NRXN3: variants seen among roughly 807,000 people sequenced by gnomAD.
The protein encoded by NRXN3 is neurexin 3.
Under a neutral mutation model 137.6 loss-of-function variants are expected in NRXN3, and 32 were observed. That is an observed-to-expected ratio of 0.23 (90% CI 0.18 to 0.31). The LOEUF is 0.31. Among genes scored for constraint, NRXN3 ranks in the 10% least tolerant of loss-of-function variants. The pLI, the probability that NRXN3 is intolerant of heterozygous loss-of-function variation, is 1.00. For missense variants in NRXN3, 1,574 were observed against 2,062.5 expected (o/e 0.76, Z 4.59); for synonymous variants, 798 against 784.5 (o/e 1.02, Z -0.29).
At chr14:78,390,380 AT>A (rs796482281) in intron 4 of NRXN3, among the ~76,000 whole-genome samples, 49 of 152,332 alleles carry the variant, frequency 3.2e-4, no homozygotes, top group African/African-American at 1.2e-3. Flanking sequence ...ACAAAGCCTA[AT>A]CTGCTTTGCT....
chr14:79,092,675 G>T (rs916311480), intron 15 of NRXN3, among the ~76,000 whole-genome samples: 1 of 152,162 alleles, frequency 6.6e-6, no homozygotes, highest in Non-Finnish European at 1.5e-5. Context: ...CTAGATTGTA[G>T]TGAATAAGTG....
At chr14:79,592,281 A>AAAG (rs1278314654) in intron 16 of NRXN3, among the ~76,000 whole-genome samples, 1 of 152,168 alleles carries the variant, frequency 6.6e-6, no homozygotes, top group East Asian at 1.9e-4. Context: ...AAGATTTGAA[A>AAAG]AAGTCAGAAT....
At chr14:78,977,432 C>A (rs531870259) in intron 14 of NRXN3, among the ~76,000 whole-genome samples, 3 of 152,198 alleles carry the variant, frequency 2.0e-5, no homozygotes, top group South Asian at 4.1e-4. Context: ...ATTCCACTGC[C>A]CCAGCAGACC....
chr14:78,367,995 A>G (rs1310216142), intron 4 of NRXN3, among the ~76,000 whole-genome samples: 1 of 152,256 alleles, frequency 6.6e-6, no homozygotes, highest in African/African-American at 2.4e-5. Context: ...TATTGCTTAC[A>G]AACAATTCAT....
At chr14:78,899,489 G>A (rs1347691356) in intron 10 of NRXN3, among the ~76,000 whole-genome samples, 1 of 151,938 alleles carries the variant, frequency 6.6e-6, no homozygotes. Context: ...TGTTTTGTGT[G>A]TATGGTTGCC....
intron 4 of NRXN3, among the ~76,000 whole-genome samples, chr14:78,475,212 G>A (rs115890442): frequency 0.029 from 3,117 of 107,764 alleles, 93 homozygotes; most frequent in African/African-American, 0.091. Flanking sequence ...CATTTTATTA[G>A]CATTATCTTT....
At chr14:78,619,307 GT>G (rs2097375746) in intron 4 of NRXN3, among the ~76,000 whole-genome samples, 1 of 152,122 alleles carries the variant, frequency 6.6e-6, no homozygotes, top group African/African-American at 2.4e-5. Context: ...TAGACTGAAT[GT>G]TTTTCCCCCT....
intron 16 of NRXN3, among the ~76,000 whole-genome samples, chr14:79,579,155 T>C (rs918128538): frequency 1.4e-4 from 21 of 151,702 alleles, no homozygotes; most frequent in Non-Finnish European, 2.6e-4. Flanking sequence ...CAGACTTCTT[T>C]TTTTCTACTT....
intron 4 of NRXN3, among the ~76,000 whole-genome samples, chr14:78,481,017 C>A (rs2095464473): frequency 6.6e-6 from 1 of 152,180 alleles, no homozygotes; most frequent in African/African-American, 2.4e-5. Context: ...GGGGTGGTCA[C>A]TGTAAACCTT....
At chr14:78,726,624 C>A (rs2098485074) in intron 8 of NRXN3, among the ~76,000 whole-genome samples, 1 of 149,600 alleles carries the variant, frequency 6.7e-6, no homozygotes, top group Non-Finnish European at 1.5e-5. Context: ...CTCAAGCCAT[C>A]CTGCCAACCT....
At chr14:78,719,569 T>C (rs1036242337) in intron 8 of NRXN3, among the ~76,000 whole-genome samples, 7 of 152,142 alleles carry the variant, frequency 4.6e-5, no homozygotes, top group African/African-American at 1.7e-4. Context: ...AGGCCAGGAG[T>C]GGTGGCTCAT....
chr14:78,388,566 C>T lies in NRXN3; in HGVS notation c.757+90706C>T, dbSNP rs1370873201. On this transcript the variant is annotated intron_variant, in intron 4 of 20. Transcript: ENST00000335750. ...CTGTGCAAATAAAGTTTTATTGGAA[C>T]ACAGTCATGTTCATTTGTTTCCATA... Among the ~76,000 whole-genome samples, 4 of 151,940 alleles carry T rather than the reference C, an allele frequency of 2.6e-5. No individual in the cohort carries two copies. The East Asian group carries it at 7.7e-4, about 29-fold the overall frequency.
At chr14:78,285,579 A>G (rs958599644) in intron 3 of NRXN3, among the ~76,000 whole-genome samples, 2 of 152,188 alleles carry the variant, frequency 1.3e-5, no homozygotes, top group East Asian at 3.9e-4. Flanking sequence ...TAGAGTGTAC[A>G]CTTCACAAAG....
chr14:78,323,498 C>T (rs1399622612), intron 4 of NRXN3, among the ~76,000 whole-genome samples: 1 of 152,020 alleles, frequency 6.6e-6, no homozygotes, highest in Non-Finnish European at 1.5e-5. Context: ...TAAATGTGTG[C>T]AGTTTGTAAA....
intron 6 of NRXN3, among the ~76,000 whole-genome samples, chr14:78,664,274 A>C (rs2097863485): frequency 6.6e-6 from 1 of 152,114 alleles, no homozygotes; most frequent in Non-Finnish European, 1.5e-5. Context: ...CTTAAGACTT[A>C]CCTTCAAAGA....
At chr14:79,042,138 G>C (rs1412419545) in intron 15 of NRXN3, among the ~76,000 whole-genome samples, 1 of 152,144 alleles carries the variant, frequency 6.6e-6, no homozygotes, top group African/African-American at 2.4e-5. Flanking sequence ...TCAGTGATGG[G>C]GTAGCTGCTC....
chr14:78,268,491 C>A (rs1201353094), intron 2 of NRXN3, among the ~76,000 whole-genome samples: 2 of 152,190 alleles, frequency 1.3e-5, no homozygotes, highest in African/African-American at 4.8e-5. Context: ...TCCTTCCATA[C>A]TTTCCAGTGG....
chr14:78,728,858 C>T (rs55834264), intron 8 of NRXN3, among the ~76,000 whole-genome samples: 21,360 of 152,128 alleles, frequency 0.14, 2,044 homozygotes, highest in African/African-American at 0.27. Flanking sequence ...GAGACTGCAC[C>T]ACTGCACTCC....
intron 15 of NRXN3, among the ~76,000 whole-genome samples, chr14:79,287,485 A>C (rs2082458731): frequency 6.6e-6 from 1 of 152,220 alleles, no homozygotes; most frequent in Non-Finnish European, 1.5e-5. Context: ...CTCAGTGTCC[A>C]TTGTAAACTA....
Sources: gnomAD v4.1 joint callset for allele counts (sites outside exome capture counted in the v4.1 genomes callset) on GRCh38, gnomAD v4.1.1 for gene constraint, MANE v1.5 for transcripts, NCBI Gene and HGNC (gene_info 2026-07-23, HGNC 2026-07-21) for gene names.